NOMO1: variants seen among roughly 807,000 people sequenced by gnomAD.
NOMO1 encodes the protein nodal modulator 3.
Under a neutral mutation model 133.8 loss-of-function variants are expected in NOMO1, and 40 were observed. The observed-to-expected ratio is 0.30, with a 90% CI of 0.23 to 0.39. The LOEUF (loss-of-function observed/expected upper bound fraction) is 0.39, where lower values mean the gene tolerates loss of function less well. Ranked by LOEUF, NOMO1 falls within the 10% of genes least tolerant of loss-of-function variation. NOMO1 has a pLI of 1.00. For synonymous variants in NOMO1, 236 were observed against 570.5 expected (o/e 0.41, Z 8.36); for missense variants, 462 against 1,419.9 (o/e 0.33, Z 10.84).
chr16:14,886,885 A>G, intron 28 of NOMO1, 23 bp downstream of exon 28: 1 of 1,610,934 alleles, frequency 6.2e-7, no homozygotes, highest in Non-Finnish European at 8.5e-7. Context: ...GCCGGATTCT[A>G]CCTTCTGCCT....
At chr16:14,878,865 G>A in intron 23 of NOMO1, 31 bp downstream of exon 23, 2 of 1,604,022 alleles carry the variant, frequency 1.2e-6, no homozygotes, top group Non-Finnish European at 1.7e-6. Context: ...CCACCTGCCT[G>A]TCTTCCCTGA....
intron 29 of NOMO1, 52 bp downstream of exon 29, chr16:14,889,267 C>T: frequency 1.2e-6 from 2 of 1,611,568 alleles, no homozygotes; most frequent in South Asian, 1.1e-5. Context: ...TTTGGTGGCT[C>T]ACGCCTGTAA....
At chr16:14,857,473 T>G in intron 10 of NOMO1, 32 bp from the exon 11 acceptor site, 1 of 1,607,950 alleles carries the variant, frequency 6.2e-7, no homozygotes, top group South Asian at 1.1e-5. Flanking sequence ...TGTTTTTGGC[T>G]TATCTTCTGT....
At position 14,866,811 on chromosome 16, in the gene NOMO1, C is replaced by G. The variant is rs559745568; in HGVS notation, c.1806+120C>G. ...AAGTTAGATTTCCTTTTCTGCCTCT[C>G]CACTCGCCCACCTGTTACGCAACGC... On this transcript the variant is annotated intron_variant, in intron 15 of 30. Coordinates refer to ENST00000287667, the MANE Select transcript of NOMO1 (RefSeq NM_014287.4). 3.2e-4 allele frequency: 512 copies of G among 1,598,926 alleles called. 3 individuals are homozygous for G. The highest frequency in any genetic ancestry group is 1.8e-3 in the South Asian group (158 of 89,752).
intron 16 of NOMO1, among the ~76,000 whole-genome samples, chr16:14,871,252 C>T (rs1964076882): frequency 6.6e-6 from 1 of 150,912 alleles, no homozygotes; most frequent in Admixed American, 6.6e-5. Context: ...CTCTTGGATC[C>T]TTAATAGAAT....
At chr16:14,877,063 A>T in intron 22 of NOMO1, among the ~76,000 whole-genome samples, 1 of 114,790 alleles carries the variant, frequency 8.7e-6, no homozygotes, top group Non-Finnish European at 1.8e-5. Context: ...TGCAAAAGTG[A>T]TTGTGGTTTT....
intron 14 of NOMO1, 91 bp from the exon 15 acceptor site, chr16:14,866,464 T>C (rs1279498471): frequency 6.2e-7 from 1 of 1,607,780 alleles, no homozygotes; most frequent in Non-Finnish European, 8.5e-7. Context: ...CTTTTTAAAA[T>C]TGATTAATTC....
chr16:14,836,696 T>A (rs867200686), intron 1 of NOMO1, among the ~76,000 whole-genome samples: 1 of 135,210 alleles, frequency 7.4e-6, no homozygotes, highest in African/African-American at 3.2e-5. Flanking sequence ...CCATTTTACT[T>A]TTTTTTTTTT....
chr16:14,867,176 A>G (rs200114582), intron 15 of NOMO1, among the ~76,000 whole-genome samples: 14 of 7,452 alleles, frequency 1.9e-3, no homozygotes, highest in African/African-American at 3.3e-3. Context: ...ATATATATAT[A>G]TTTTTTTTTT....
intron 16 of NOMO1, among the ~76,000 whole-genome samples, chr16:14,868,999 C>T (rs1322406303): frequency 6.6e-6 from 1 of 150,476 alleles, no homozygotes; most frequent in Admixed American, 6.6e-5. Flanking sequence ...AGTGTAGTGG[C>T]TTGATCTTGG....
chr16:14,868,170 G>C (rs1449863694), intron 15 of NOMO1, among the ~76,000 whole-genome samples: 1 of 135,802 alleles, frequency 7.4e-6, no homozygotes, highest in African/African-American at 2.8e-5. Context: ...GGTGGGGATT[G>C]TTCTTCTCTT....
rs1964294373 is a variant in NOMO1, at chr16:14,884,557, G to A, written c.3222+75G>A. On this transcript the variant is annotated intron_variant, in intron 27 of 30. Coordinates refer to ENST00000287667, the MANE Select transcript of NOMO1 (RefSeq NM_014287.4). ...GACAAGTACGAATGGGATGTTTTTG[G>A]GTTTGTGCCTGTCTCGTGCCTTAGG... is the stretch of plus-strand genomic sequence containing the variant. 8.7e-6 allele frequency: 14 copies of A among 1,606,634 alleles called. 1 individual carries two copies. The South Asian group carries it at 1.5e-4, about 18-fold the overall frequency.
chr16:14,893,638 G>A (rs911713836), intron 29 of NOMO1, among the ~76,000 whole-genome samples: 5 of 149,994 alleles, frequency 3.3e-5, no homozygotes, highest in Non-Finnish European at 5.9e-5. Context: ...GTACAGCGGC[G>A]CCCACAGTCA....
chr16:14,857,250 G>A lies in NOMO1; in HGVS notation c.997G>A (p.Gly333Arg), dbSNP rs1358306425. 103 of 1,599,982 alleles carry A rather than the reference G, an allele frequency of 6.4e-5. 2 individuals carry two copies. The highest frequency in any genetic ancestry group is 7.4e-5 in the Non-Finnish European group (86 of 1,169,150). ...VFHVMGFSVT[G>R]RVLNGPEGDG... is the part of the protein sequence containing the mutation. ...CCACGTCATGGGATTCTCCGTCACC[G>A]GGAGGGTCTTGAACGGACCCGAAGG... Residue 333 changes from glycine (G) to arginine (R), a missense_variant, in exon 10 of 31, where the codon GGG (glycine) becomes AGG (arginine). By Grantham distance (125) the Gly-to-Arg change is moderately radical (BLOSUM62 -2). Transcript: ENST00000287667.
rs566313249 is a variant in NOMO1, at chr16:14,874,141, T to C, written c.2055-895T>C. Among the ~76,000 whole-genome samples, 118 of 151,192 alleles carry C rather than the reference T, an allele frequency of 7.8e-4. 2 individuals are homozygous for C. In the South Asian group the frequency reaches 8.6e-3, roughly 11 times the overall value. On this transcript the variant is annotated intron_variant, in intron 18 of 30. Coordinates refer to ENST00000287667, the MANE Select transcript of NOMO1 (RefSeq NM_014287.4). The stretch of plus-strand genomic sequence containing the variant: ...GGGGTCACTGCAGCAGCTTCCCAGC[T>C]GGCCTTCCTGTTTCCGCCATTGCTT...
At chr16:14,887,123 C>T (rs1424467068) in intron 28 of NOMO1, among the ~76,000 whole-genome samples, 10 of 152,062 alleles carry the variant, frequency 6.6e-5, no homozygotes, top group East Asian at 3.9e-4. Context: ...ACTGCTAACA[C>T]GGTGATTGGT....
At chr16:14,880,479 C>T (rs1318818688) in intron 24 of NOMO1, among the ~76,000 whole-genome samples, 11 of 151,828 alleles carry the variant, frequency 7.2e-5, no homozygotes, top group Admixed American at 1.3e-4. Context: ...GCAACCTCTG[C>T]CTCCTGGGTT....
At chr16:14,860,501 C>T in intron 11 of NOMO1, among the ~76,000 whole-genome samples, 1 of 151,692 alleles carries the variant, frequency 6.6e-6, no homozygotes, top group East Asian at 1.9e-4. Context: ...ATGGAGGGGC[C>T]AGATATGAGG....
intron 4 of NOMO1, among the ~76,000 whole-genome samples, chr16:14,845,201 C>A (rs1963661434): frequency 6.6e-6 from 1 of 151,804 alleles, no homozygotes; most frequent in African/African-American, 2.4e-5. Flanking sequence ...CCATGCCTGG[C>A]TAATTTTTGT....
Sources: allele counts gnomAD v4.1 joint callset (sites outside exome capture counted in the v4.1 genomes callset), GRCh38; gene constraint gnomAD v4.1.1; transcripts MANE v1.5; gene names NCBI Gene and HGNC (gene_info 2026-07-23, HGNC 2026-07-21).